Variants in FOXP2 observed in about 807,000 individuals in gnomAD.
FOXP2 encodes the protein forkhead box protein P2.
In FOXP2, 12 loss-of-function variants were observed where a neutral mutation model predicts 115.8. The observed-to-expected ratio is 0.10, with a 90% CI of 0.07 to 0.17. FOXP2 has a LOEUF of 0.17. FOXP2 is among the 10% of genes least tolerant of loss of function. The probability of loss-of-function intolerance (pLI) is 1.00; values close to 1 mark genes in which losing one functional copy is unlikely to be tolerated. For missense variants in FOXP2, 629 were observed against 843.5 expected, an observed-to-expected ratio of 0.75 and a Z score of 3.15; for synonymous variants, 328 against 297.7, an observed-to-expected ratio of 1.10 and a Z score of -1.05.
At chr7:114,230,915 G>T (rs1794858065) in intron 1 of FOXP2, among the ~76,000 whole-genome samples, 1 of 151,356 alleles carries the variant, frequency 6.6e-6, no homozygotes, top group African/African-American at 2.4e-5. Context: ...TGGAAAGAAA[G>T]AAGTAAAATT....
chr7:114,201,616 TA>T (rs1794069235), intron 1 of FOXP2, among the ~76,000 whole-genome samples: 1 of 152,206 alleles, frequency 6.6e-6, no homozygotes, highest in Non-Finnish European at 1.5e-5. Flanking sequence ...TAGTTGTTTT[TA>T]CTGAATACAT....
intron 3 of FOXP2, among the ~76,000 whole-genome samples, chr7:114,561,960 C>T (rs896229810): frequency 2.6e-5 from 4 of 151,994 alleles, no homozygotes; most frequent in Non-Finnish European, 5.9e-5. Flanking sequence ...TAACTTGGAC[C>T]GGTTCTTTAA....
At chr7:114,632,055 A>G (rs1217958064) in intron 6 of FOXP2, among the ~76,000 whole-genome samples, 1 of 152,240 alleles carries the variant, frequency 6.6e-6, no homozygotes, top group Non-Finnish European at 1.5e-5. Flanking sequence ...ACAGCAGTCC[A>G]TTTAACTAAG....
At chr7:114,422,269 T>A (rs1793655654) in intron 1 of FOXP2, among the ~76,000 whole-genome samples, 1 of 151,694 alleles carries the variant, frequency 6.6e-6, no homozygotes, top group Non-Finnish European at 1.5e-5. Context: ...TAAGAAAAGT[T>A]GACGAAATGA....
intron 1 of FOXP2, among the ~76,000 whole-genome samples, chr7:114,178,599 T>C (rs1302001663): frequency 2.0e-5 from 3 of 151,980 alleles, no homozygotes; most frequent in African/African-American, 7.2e-5. Context: ...TTTCCTTGTA[T>C]TAGCTGTAAG....
intron 3 of FOXP2, chr7:114,561,508 T>G (rs1041120739): frequency 6.6e-6 from 1 of 152,242 alleles, no homozygotes; most frequent in African/African-American, 2.4e-5. Flanking sequence ...AAATAAATAC[T>G]GTCTAAACTA....
chr7:114,604,047 T>A (rs890445405), intron 3 of FOXP2, among the ~76,000 whole-genome samples: 1 of 152,202 alleles, frequency 6.6e-6, no homozygotes, highest in Non-Finnish European at 1.5e-5. Flanking sequence ...TGAATATGCT[T>A]GTCTGGGCTG....
At chr7:114,407,200 A>C (rs1390523978) in intron 2 of FOXP2, among the ~76,000 whole-genome samples, 3 of 152,090 alleles carry the variant, frequency 2.0e-5, no homozygotes, top group African/African-American at 7.2e-5. Flanking sequence ...TCATTTTAAC[A>C]GTCTGCAAAA....
chr7:114,152,580 T>C (rs1299677405), intron 1 of FOXP2, among the ~76,000 whole-genome samples: 1 of 152,198 alleles, frequency 6.6e-6, no homozygotes, highest in Non-Finnish European at 1.5e-5. Context: ...TAACAGTCTC[T>C]TGTGGTTGTA....
At chr7:114,217,879 C>G (rs144022008) in intron 1 of FOXP2, among the ~76,000 whole-genome samples, 5 of 152,230 alleles carry the variant, frequency 3.3e-5, no homozygotes, top group African/African-American at 1.2e-4. Context: ...CAAATAAAAA[C>G]TACTTTAATT....
intron 1 of FOXP2, among the ~76,000 whole-genome samples, chr7:114,421,996 A>G (rs1009689736): frequency 6.6e-6 from 1 of 151,732 alleles, no homozygotes; most frequent in African/African-American, 2.4e-5. Flanking sequence ...GTTTCTTGTT[A>G]CATATGTTAA....
intron 1 of FOXP2, among the ~76,000 whole-genome samples, chr7:114,126,380 G>A (rs773077903): frequency 1.3e-5 from 2 of 151,976 alleles, no homozygotes; most frequent in Non-Finnish European, 2.9e-5. Flanking sequence ...AGTTACAGTG[G>A]GATTAGCATG....
At chr7:114,336,839 T>C (rs1351758577) in intron 2 of FOXP2, among the ~76,000 whole-genome samples, 2 of 151,462 alleles carry the variant, frequency 1.3e-5, no homozygotes, top group Non-Finnish European at 3.0e-5. Flanking sequence ...CCATGTTCAC[T>C]GTATTTCACC....
intron 2 of FOXP2, among the ~76,000 whole-genome samples, chr7:114,397,971 T>C (rs1338803865): frequency 2.6e-5 from 4 of 152,012 alleles, no homozygotes; most frequent in Non-Finnish European, 5.9e-5. Flanking sequence ...AAGAGAGAAA[T>C]CGAAGATTAA....
chr7:114,403,627 G>A (rs1354728876), intron 2 of FOXP2, among the ~76,000 whole-genome samples: 1 of 152,100 alleles, frequency 6.6e-6, no homozygotes, highest in Non-Finnish European at 1.5e-5. Context: ...AGTGATACAA[G>A]GATACTATAG....
At chr7:114,370,287 A>G (rs1372927470) in intron 2 of FOXP2, among the ~76,000 whole-genome samples, 1 of 152,260 alleles carries the variant, frequency 6.6e-6, no homozygotes, top group Non-Finnish European at 1.5e-5. Flanking sequence ...TCCTTAGACA[A>G]ATAGACATCA....
chr7:114,621,497 T>C (rs1397269561), intron 3 of FOXP2, among the ~76,000 whole-genome samples: 1 of 152,046 alleles, frequency 6.6e-6, no homozygotes, highest in Non-Finnish European at 1.5e-5. Context: ...AAAAAGTAAT[T>C]GCTAAGTCGT....
chr7:114,556,670 C>T (rs1800471637), intron 3 of FOXP2, among the ~76,000 whole-genome samples: 1 of 152,174 alleles, frequency 6.6e-6, no homozygotes, highest in Non-Finnish European at 1.5e-5. Context: ...AAGGGTTTGC[C>T]TCATCCACAA....
intron 1 of FOXP2, among the ~76,000 whole-genome samples, chr7:114,252,594 C>G (rs375863586): frequency 6.6e-6 from 1 of 152,044 alleles, no homozygotes; most frequent in Non-Finnish European, 1.5e-5. Context: ...GTGTTTATAG[C>G]ATTCTCTGAT....
Sources: allele counts gnomAD v4.1 joint callset (sites outside exome capture counted in the v4.1 genomes callset), GRCh38; gene constraint gnomAD v4.1.1; transcripts MANE v1.5; gene names NCBI Gene and HGNC (gene_info 2026-07-23, HGNC 2026-07-21).